AMTN: variants seen among roughly 807,000 people sequenced by gnomAD.
The protein encoded by AMTN is amelotin.
A neutral mutation model predicts 27.4 loss-of-function variants in AMTN; 29 were observed. That is an observed-to-expected ratio of 1.06 (90% CI 0.79 to 1.44). The LOEUF is 1.44. Ranked by LOEUF, AMTN falls within the 40% of genes most tolerant of loss-of-function variation. The probability of loss-of-function intolerance (pLI) is 0.00; values close to 1 mark genes in which losing one functional copy is unlikely to be tolerated. For synonymous variants in AMTN, 86 were observed against 95.7 expected, an observed-to-expected ratio of 0.90 and a Z score of 0.59; for missense variants, 247 against 248.8, an observed-to-expected ratio of 0.99 and a Z score of 0.05.
At chr4:70,519,060 G>T (rs886304096) in intron 2 of AMTN, among the ~76,000 whole-genome samples, 4 of 152,106 alleles carry the variant, frequency 2.6e-5, no homozygotes, top group African/African-American at 7.2e-5. Context: ...GTGGTAAAAG[G>T]TCAATTATTT....
intron 3 of AMTN, among the ~76,000 whole-genome samples, chr4:70,523,175 T>C (rs569651312): frequency 7.2e-5 from 11 of 152,366 alleles, no homozygotes; most frequent in Admixed American, 5.9e-4. Flanking sequence ...TGAGGTACTG[T>C]GGCATTATCA....
At chr4:70,530,011 T>C (rs1736187743) in intron 7 of AMTN, among the ~76,000 whole-genome samples, 1 of 152,120 alleles carries the variant, frequency 6.6e-6, no homozygotes. Context: ...GCTTTCAACC[T>C]TCCCCAAAGC....
rs1172173137 is a variant in AMTN at position 70,524,882 on chromosome 4, C to G, written c.215C>G (p.Ala72Gly). Reference sequence around the variant, plus strand: ...TTCCTTGCCCTACAGTTAAATCCTGCTGCAGGAATGACACCTGGTACCCAG... The same window carrying G: ...TTCCTTGCCCTACAGTTAAATCCTGGTGCAGGAATGACACCTGGTACCCAG... ...LGPDLHLLNP[A>G]AGMTPGTQTH... Residue 72 changes from alanine (A) to glycine (G), a missense_variant, in exon 5 of 9, where the codon GCT becomes GGT. Physicochemically the swap from Ala to Gly is moderately conservative, Grantham distance 60. Transcript: ENST00000339336. 1 of 1,613,818 alleles carries G rather than the reference C, an allele frequency of 6.2e-7. No homozygotes were observed.
chr4:70,525,876 G>C (rs909629798), intron 5 of AMTN, among the ~76,000 whole-genome samples: 6 of 152,016 alleles, frequency 3.9e-5, no homozygotes, highest in Non-Finnish European at 8.8e-5. Context: ...CTCCATCCTG[G>C]GTGATGAAGG....
At chr4:70,529,032 A>T in intron 6 of AMTN, 152 bp from the exon 7 acceptor site, 1 of 687,678 alleles carries the variant, frequency 1.5e-6, no homozygotes, top group Non-Finnish European at 2.3e-6. Context: ...GAGTTTTGTA[A>T]TATAGATCAT....
At position 70,528,646 on chromosome 4, in the gene AMTN, T is replaced by C. The variant is rs149009807; in HGVS notation, c.295-77T>C. The C allele has an allele frequency of 1.2e-4, 156 of 1,315,314 alleles. No homozygotes were observed. The African/African-American group carries it at 2.0e-3, about 17-fold the overall frequency. 81.5% of individuals were successfully genotyped at this position (1,315,314 alleles called of 1,614,324 possible). ...GCCTGGGCAACAGAGCAAGACTCCA[T>C]CTCCAAAAAAAGATATCAGTATTTA... On this transcript the variant is annotated intron_variant, in intron 5 of 8. Transcript: ENST00000339336.
intron 2 of AMTN, among the ~76,000 whole-genome samples, chr4:70,520,890 A>G (rs984365737): frequency 6.6e-6 from 1 of 152,212 alleles, no homozygotes; most frequent in Non-Finnish European, 1.5e-5. Flanking sequence ...GGGAAAGAAC[A>G]TTCCAGACAG....
chr4:70,530,548 C>T (rs1344365622), intron 7 of AMTN, among the ~76,000 whole-genome samples: 2 of 152,038 alleles, frequency 1.3e-5, no homozygotes, highest in Non-Finnish European at 2.9e-5. Flanking sequence ...CAGACCTGCT[C>T]GATCAGAATC....
At chr4:70,528,588 T>A (rs1720885428) in intron 5 of AMTN, 135 bp from the exon 6 acceptor site, 1 of 594,800 alleles carries the variant, frequency 1.7e-6, no homozygotes, top group Non-Finnish European at 2.9e-6. Context: ...AGGCAGAGGT[T>A]GCAGTGAGCC....
chr4:70,530,914 C>T (rs1736205352), intron 7 of AMTN, 125 bp from the exon 8 acceptor site: 1 of 1,327,564 alleles, frequency 7.5e-7, no homozygotes, highest in Admixed American at 2.4e-5. Flanking sequence ...AATGCCAGGT[C>T]TTTGCTGTCT....
At chr4:70,530,141 T>C (rs1281088657) in intron 7 of AMTN, among the ~76,000 whole-genome samples, 2 of 152,164 alleles carry the variant, frequency 1.3e-5, no homozygotes, top group Non-Finnish European at 2.9e-5. Context: ...CCAATGCCAT[T>C]TTTTAACCTA....
In AMTN at chr4:70,531,059, C is replaced by T; in HGVS notation, c.378C>T (p.Leu126=). Residue 126 remains leucine, a synonymous_variant, in exon 8 of 9, where the codon CTC becomes CTT. Transcript: ENST00000339336. ...TCCAGCCACAAATCTTCACGAGCCT[C>T]ATCATCCATTCCTTGTTCCCGGGAG... ...SEELPQIFTS[L]IIHSLFPGGI... 1 of 1,614,000 alleles carries T rather than the reference C, an allele frequency of 6.2e-7. No individual in the cohort carries two copies. The highest frequency in any genetic ancestry group is 1.1e-5 in the South Asian group (1 of 91,080).
At chr4:70,531,757 C>T (rs755779773) in intron 8 of AMTN, among the ~76,000 whole-genome samples, 2 of 152,134 alleles carry the variant, frequency 1.3e-5, no homozygotes, top group Non-Finnish European at 2.9e-5. Flanking sequence ...AGTGATGCAC[C>T]CACCTCGGCC....
At chr4:70,521,415 G>GAA (rs57231726) in intron 2 of AMTN, among the ~76,000 whole-genome samples, 62,842 of 142,398 alleles carry the variant, frequency 0.44, 14,696 homozygotes, top group Admixed American at 0.52. Flanking sequence ...AGAAAGAAAA[G>GAA]AAAAAAAATT....
chr4:70,527,337 T>C (rs1440590838), intron 5 of AMTN, among the ~76,000 whole-genome samples: 2 of 152,244 alleles, frequency 1.3e-5, no homozygotes, highest in African/African-American at 4.8e-5. Context: ...ATTACAGTTT[T>C]TACTTAGACA....
chr4:70,524,233 C>G (rs1325480592), intron 4 of AMTN, among the ~76,000 whole-genome samples: 1 of 152,150 alleles, frequency 6.6e-6, no homozygotes, highest in Non-Finnish European at 1.5e-5. Context: ...AATGCCCCTA[C>G]AGCATCCACA....
rs1479657852 is a variant in AMTN at position 70,522,780 on chromosome 4, C to A, written c.80C>A (p.Pro27His). Reference protein sequence around the residue: ...LPQLKPALGLPPTKLAPDQGT... With the variant: ...LPQLKPALGLHPTKLAPDQGT... The stretch of plus-strand genomic sequence containing the variant: ...CAGCTCAAACCTGCTTTGGGACTCC[C>A]TCCCACAAAACTGGCTCCGGATCAG... The change falls in exon 3 of 9, where the codon CCT (proline) becomes CAT (histidine). Residue 27 changes from proline (P) to histidine (H), a missense_variant. Pro to His is a moderately conservative substitution (Grantham distance 77). Coordinates refer to ENST00000339336, the MANE Select transcript of AMTN (RefSeq NM_212557.4). 1 of 1,613,918 alleles carries A rather than the reference C, an allele frequency of 6.2e-7. No individual in the cohort carries two copies. Among genetic ancestry groups the A allele is most frequent in the Non-Finnish European group, 8.5e-7 (1 of 1,179,918 alleles).
intron 5 of AMTN, among the ~76,000 whole-genome samples, chr4:70,527,781 G>C (rs193247511): frequency 6.6e-6 from 1 of 152,038 alleles, no homozygotes. Context: ...ACTTCTGGCC[G>C]GTTCTCAAAG....
chr4:70,532,045 T>TAC (rs1367295056), intron 8 of AMTN, among the ~76,000 whole-genome samples: 1 of 152,160 alleles, frequency 6.6e-6, no homozygotes, highest in Non-Finnish European at 1.5e-5. Flanking sequence ...CTTGCCCCAA[T>TAC]ACACACACAC....
Sources: allele counts gnomAD v4.1 joint callset (sites outside exome capture counted in the v4.1 genomes callset), GRCh38; gene constraint gnomAD v4.1.1; transcripts MANE v1.5; gene names NCBI Gene and HGNC (gene_info 2026-07-23, HGNC 2026-07-21).